Variants in GRIA4 observed in about 807,000 individuals in gnomAD.
GRIA4 encodes glutamate ionotropic receptor AMPA type subunit 4, also known as glutamate receptor 4.
Under a neutral mutation model 104.0 loss-of-function variants are expected in GRIA4, and 34 were observed. That is an observed-to-expected ratio of 0.33 (90% CI 0.25 to 0.44). The LOEUF (loss-of-function observed/expected upper bound fraction) is 0.44. Ranked by LOEUF, GRIA4 falls within the 20% of genes least tolerant of loss-of-function variation. GRIA4 has a pLI of 1.00. For missense variants in GRIA4, 750 were observed against 1,096.5 expected, an observed-to-expected ratio of 0.68 and a Z score of 4.46; for synonymous variants, 386 against 381.9, an observed-to-expected ratio of 1.01 and a Z score of -0.13.
intron 3 of GRIA4, among the ~76,000 whole-genome samples, chr11:105,635,699 C>A (rs1562220): frequency 2.0e-5 from 3 of 152,232 alleles, no homozygotes; most frequent in East Asian, 1.9e-4. Context: ...CCCAACCAAA[C>A]AGTCCCTTTC....
chr11:105,642,287 A>T (rs1230448797), intron 3 of GRIA4, among the ~76,000 whole-genome samples: 5 of 152,150 alleles, frequency 3.3e-5, no homozygotes, highest in African/African-American at 1.2e-4. Context: ...TCAGTAGGCA[A>T]GCTGAGAACA....
intron 10 of GRIA4, among the ~76,000 whole-genome samples, chr11:105,917,159 G>A (rs1947431247): frequency 6.6e-6 from 1 of 152,008 alleles, no homozygotes; most frequent in East Asian, 1.9e-4. Context: ...CTAAAGAAGA[G>A]GCAATTGGAT....
At chr11:105,792,997 G>T (rs994803843) in intron 4 of GRIA4, among the ~76,000 whole-genome samples, 1 of 152,164 alleles carries the variant, frequency 6.6e-6, no homozygotes, top group Admixed American at 6.6e-5. Context: ...AGGCATTTCA[G>T]ATTCTCAAAC....
intron 4 of GRIA4, among the ~76,000 whole-genome samples, chr11:105,758,949 A>G (rs1475829528): frequency 6.6e-6 from 1 of 152,200 alleles, no homozygotes; most frequent in East Asian, 1.9e-4. Flanking sequence ...GAGGACAGTC[A>G]TAATAATGCA....
At chr11:105,732,379 T>C (rs989056031) in intron 3 of GRIA4, among the ~76,000 whole-genome samples, 1 of 152,062 alleles carries the variant, frequency 6.6e-6, no homozygotes, top group Non-Finnish European at 1.5e-5. Flanking sequence ...TGCTGTTGTG[T>C]GGAGAGTGTG....
rs1296132983 is a variant in GRIA4 at position 105,610,073 on chromosome 11, A to T, written c.-446A>T. 6.6e-6 allele frequency: 1 copy of T among 152,556 alleles called. No homozygotes were observed. Among genetic ancestry groups the T allele is most frequent in the Non-Finnish European group, 1.5e-5 (1 of 68,334 alleles). 9.5% of individuals were successfully genotyped at this position (152,556 alleles called of 1,614,324 possible). A position where few individuals can be genotyped will look rare whatever the true frequency, so the allele number is the denominator to read the frequency against. On this transcript the variant is annotated 5_prime_UTR_variant, in exon 1 of 17. Transcript: ENST00000282499. ...GACCGGAGTCCCCCGCGCGCAGCCC[A>T]GTGGCAGAAGAGGGCTAGGCTGAGA... is the stretch of plus-strand genomic sequence containing the variant.
chr11:105,854,642 G>A (rs1293518775), intron 4 of GRIA4, among the ~76,000 whole-genome samples: 2 of 152,184 alleles, frequency 1.3e-5, no homozygotes, highest in African/African-American at 4.8e-5. Context: ...AGTGTCGGTA[G>A]GAAGAAATGG....
chr11:105,934,203 A>T (rs1374727330), intron 14 of GRIA4, among the ~76,000 whole-genome samples: 1 of 152,112 alleles, frequency 6.6e-6, no homozygotes, highest in Admixed American at 6.6e-5. Context: ...AAACTGGTTG[A>T]ACACTAGCTG....
intron 3 of GRIA4, among the ~76,000 whole-genome samples, chr11:105,740,930 G>A (rs1269410838): frequency 2.0e-5 from 3 of 152,166 alleles, no homozygotes; most frequent in Admixed American, 6.6e-5. Context: ...CAAATATGAT[G>A]AGAAGCCACT....
intron 3 of GRIA4, among the ~76,000 whole-genome samples, chr11:105,729,875 T>G (rs760248809): frequency 6.6e-6 from 1 of 152,096 alleles, no homozygotes; most frequent in Non-Finnish European, 1.5e-5. Flanking sequence ...AATAAGAACA[T>G]GTCTGAAAAT....
chr11:105,620,107 G>A (rs568884892), intron 3 of GRIA4, among the ~76,000 whole-genome samples: 5 of 151,822 alleles, frequency 3.3e-5, no homozygotes, highest in Admixed American at 2.6e-4. Flanking sequence ...ACCACTCCTG[G>A]AACACTGTGT....
Position 105,765,904 on chromosome 11 carries a change from T to C in GRIA4, c.487+12684T>C, listed in dbSNP as rs76170865. On this transcript the variant is annotated intron_variant, in intron 4 of 16. Transcript: ENST00000282499. ...TGATTACTTCAATAGAATTGTCTTA[T>C]GTGAAAAAGATTATGAGGTTTGTGT... 5.3e-3 allele frequency among the ~76,000 whole-genome samples: 812 copies of C among 152,326 alleles called. 9 individuals are homozygous for C. In the East Asian group the frequency reaches 0.054, roughly 10 times the overall value.
At chr11:105,716,730 A>T (rs1954102697) in intron 3 of GRIA4, among the ~76,000 whole-genome samples, 1 of 152,188 alleles carries the variant, frequency 6.6e-6, no homozygotes, top group Admixed American at 6.6e-5. Flanking sequence ...ACATCCTATT[A>T]TGAAGTTTCA....
chr11:105,858,605 T>A lies in GRIA4; in HGVS notation c.488-3419T>A, dbSNP rs546096343. Among the ~76,000 whole-genome samples the A allele has an allele frequency of 3.2e-4, 48 of 152,226 alleles. 2 individuals are homozygous for A. In the South Asian group the frequency reaches 9.9e-3, roughly 32 times the overall value. On this transcript the variant is annotated intron_variant, in intron 4 of 16. Transcript: ENST00000282499. Reference sequence around the variant, plus strand: ...GTGCTATCAAAGACTATATCTTATTTATCTTATCTAACTATATTTTTGTAC... The same window carrying A: ...GTGCTATCAAAGACTATATCTTATTAATCTTATCTAACTATATTTTTGTAC...
chr11:105,840,968 A>C (rs72987139), intron 4 of GRIA4, among the ~76,000 whole-genome samples: 6,205 of 152,290 alleles, frequency 0.041, 154 homozygotes, highest in Non-Finnish European at 0.054. Flanking sequence ...ACTTAGGGAA[A>C]GCTCTAACAA....
chr11:105,620,494 CA>C (rs1005963440), intron 3 of GRIA4, among the ~76,000 whole-genome samples: 3 of 151,794 alleles, frequency 2.0e-5, no homozygotes, highest in African/African-American at 7.3e-5. Context: ...ACAGTATTGA[CA>C]AAATACCCAA....
intron 3 of GRIA4, among the ~76,000 whole-genome samples, chr11:105,650,704 G>A (rs1487441756): frequency 6.6e-6 from 1 of 152,138 alleles, no homozygotes; most frequent in Non-Finnish European, 1.5e-5. Context: ...AGTTGGTCTA[G>A]TGTAGGGCAA....
At chr11:105,719,707 G>T (rs1937654905) in intron 3 of GRIA4, among the ~76,000 whole-genome samples, 1 of 151,868 alleles carries the variant, frequency 6.6e-6, no homozygotes. Context: ...TACTATAAAG[G>T]TGGAGGTCAG....
intron 4 of GRIA4, among the ~76,000 whole-genome samples, chr11:105,860,260 C>A (rs1055451911): frequency 6.6e-6 from 1 of 152,048 alleles, no homozygotes; most frequent in African/African-American, 2.4e-5. Flanking sequence ...ATCTGTTGAT[C>A]TTAACTGAGC....
Sources: allele counts gnomAD v4.1 joint callset (sites outside exome capture counted in the v4.1 genomes callset), GRCh38; gene constraint gnomAD v4.1.1; transcripts MANE v1.5; gene names NCBI Gene and HGNC (gene_info 2026-07-23, HGNC 2026-07-21).